MGST2: variants seen among roughly 807,000 people sequenced by gnomAD.
MGST2 encodes glutathione peroxidase MGST2.
In MGST2, 9 loss-of-function variants were observed where a neutral mutation model predicts 16.6. That is an observed-to-expected ratio of 0.54 (90% CI 0.33 to 0.95). The LOEUF is 0.95. Ranked by LOEUF, MGST2 falls within the 40% of genes least tolerant of loss-of-function variation. MGST2 has a pLI of 0.03. For missense variants in MGST2, 159 were observed against 175.1 expected (o/e 0.91, Z 0.52); for synonymous variants, 79 against 68.0 (o/e 1.16, Z -0.79).
At chr4:139,683,853 G>C (rs1344208513) in intron 2 of MGST2, among the ~76,000 whole-genome samples, 2 of 151,842 alleles carry the variant, frequency 1.3e-5, no homozygotes, top group Non-Finnish European at 2.9e-5. Flanking sequence ...TTACATGGAT[G>C]GCAGCAGGCA....
intron 5 of MGST2, among the ~76,000 whole-genome samples, chr4:139,710,444 A>G (rs1318557092): frequency 2.6e-5 from 4 of 152,126 alleles, no homozygotes. Flanking sequence ...CCAAACGAGT[A>G]TAAGTAAGAA....
chr4:139,691,679 G>GATTATTATT (rs1347865102), intron 2 of MGST2, among the ~76,000 whole-genome samples: 19 of 133,956 alleles, frequency 1.4e-4, no homozygotes, highest in African/African-American at 3.9e-4. Context: ...TGATGATGAT[G>GATTATTATT]ATGATGATGA....
intron 5 of MGST2, among the ~76,000 whole-genome samples, chr4:139,711,797 T>C (rs1727753088): frequency 1.3e-5 from 2 of 152,146 alleles, no homozygotes; most frequent in African/African-American, 4.8e-5. Flanking sequence ...CCTCTGACAT[T>C]TCCCCCCTTT....
chr4:139,697,513 A>G (rs994821864), intron 3 of MGST2, among the ~76,000 whole-genome samples: 11 of 152,202 alleles, frequency 7.2e-5, no homozygotes, highest in African/African-American at 2.7e-4. Context: ...CTGGCATTAA[A>G]TTCTTCAGCT....
chr4:139,725,698 C>T, intron 5 of MGST2: 3 of 1,552,178 alleles, frequency 1.9e-6, no homozygotes, highest in Non-Finnish European at 2.7e-6. Context: ...TACACATTCA[C>T]TTACGCTTCA....
At chr4:139,696,502 A>C (rs1726930770) in intron 3 of MGST2, among the ~76,000 whole-genome samples, 1 of 152,196 alleles carries the variant, frequency 6.6e-6, no homozygotes, top group Non-Finnish European at 1.5e-5. Context: ...ATCATCTGGC[A>C]GTGGTTCAGA....
intron 5 of MGST2, chr4:139,730,544 G>C: frequency 6.3e-7 from 1 of 1,578,322 alleles, no homozygotes. Context: ...ATGGCTGCTT[G>C]GGGCTGGCTG....
chr4:139,678,869 A>G, intron 2 of MGST2: 2 of 585,388 alleles, frequency 3.4e-6, no homozygotes, highest in East Asian at 2.9e-5. Context: ...GTATATTTAC[A>G]GAAAAGGCTG....
intron 5 of MGST2, among the ~76,000 whole-genome samples, chr4:139,716,251 G>C (rs1444536492): frequency 6.6e-6 from 1 of 152,208 alleles, no homozygotes; most frequent in Non-Finnish European, 1.5e-5. Context: ...TGTGGGTGCA[G>C]GTGAAGCCAG....
rs1166805412 is a variant in MGST2 at position 139,715,580 on chromosome 4, C to T, written c.*48+11384C>T. Among the ~76,000 whole-genome samples the T allele has an allele frequency of 6.6e-6, 1 of 152,142 alleles. No homozygotes were observed. Among genetic ancestry groups the T allele is most frequent in the South Asian group, 2.1e-4 (1 of 4,832 alleles). On this transcript the variant is annotated intron_variant, in intron 5 of 5. Coordinates refer to the MGST2 transcript ENST00000616265. The surrounding 1 kb of genome is among the most constrained non-coding windows in gnomAD (Gnocchi z 4.4). ...AAAGAATGGCTACTCCATAGAGCAG[C>T]CCCGAGGGCTGCTGGTTGTCCATTT... is the stretch of plus-strand genomic sequence containing the variant.
intron 5 of MGST2, among the ~76,000 whole-genome samples, chr4:139,732,604 T>C (rs1370757256): frequency 1.3e-5 from 2 of 151,596 alleles, no homozygotes. Flanking sequence ...ACAGATAGCT[T>C]GTCTTTACTT....
chr4:139,683,479 G>A (rs956368797), intron 2 of MGST2, among the ~76,000 whole-genome samples: 9 of 151,984 alleles, frequency 5.9e-5, no homozygotes, highest in African/African-American at 2.2e-4. Flanking sequence ...TTAAGGAGAG[G>A]CCTTAAGCAT....
At chr4:139,699,657 CTG>C (rs1267614012) in intron 3 of MGST2, among the ~76,000 whole-genome samples, 1 of 152,140 alleles carries the variant, frequency 6.6e-6, no homozygotes, top group Admixed American at 6.5e-5. Flanking sequence ...ATAAATGGAC[CTG>C]TGCAGTTCAA....
At chr4:139,696,666 G>C (rs911109941) in intron 3 of MGST2, among the ~76,000 whole-genome samples, 1 of 152,180 alleles carries the variant, frequency 6.6e-6, no homozygotes, top group African/African-American at 2.4e-5. Flanking sequence ...GATTGGCTCT[G>C]TTGTAAATCC....
intron 1 of MGST2, among the ~76,000 whole-genome samples, chr4:139,675,707 G>C (rs751132240): frequency 2.6e-5 from 4 of 152,240 alleles, no homozygotes; most frequent in Admixed American, 6.5e-5. Context: ...GCCTCAGCGA[G>C]AGGACTGAGC....
intron 2 of MGST2, among the ~76,000 whole-genome samples, chr4:139,687,087 A>C (rs1373375388): frequency 6.6e-6 from 1 of 152,228 alleles, no homozygotes; most frequent in East Asian, 1.9e-4. Context: ...TTATAAAGTA[A>C]GTACTGTATA....
chr4:139,705,026 A>G (rs1727466401), downstream of MGST2, among the ~76,000 whole-genome samples: 1 of 152,154 alleles, frequency 6.6e-6, no homozygotes, highest in Non-Finnish European at 1.5e-5. Flanking sequence ...CCATACTGTA[A>G]AACCAGGTTT....
At chr4:139,667,594 T>C (rs1730434264) in intron 1 of MGST2, among the ~76,000 whole-genome samples, 1 of 152,134 alleles carries the variant, frequency 6.6e-6, no homozygotes, top group East Asian at 1.9e-4. Flanking sequence ...GCACGGTGGC[T>C]CACCCCTGTA....
chr4:139,713,070 ACT>A (rs1467035873), intron 5 of MGST2, among the ~76,000 whole-genome samples: 2 of 152,174 alleles, frequency 1.3e-5, no homozygotes, highest in African/African-American at 4.8e-5. Flanking sequence ...AGTTTCCTTG[ACT>A]CTGAAAAACA....
Sources: allele counts gnomAD v4.1 joint callset (sites outside exome capture counted in the v4.1 genomes callset), GRCh38; gene constraint gnomAD v4.1.1; non-coding constraint Gnocchi (gnomAD v3.1); transcripts MANE v1.5; gene names NCBI Gene and HGNC (gene_info 2026-07-23, HGNC 2026-07-21).